The following HBS1L variants were observed in gnomAD, a reference collection of about 807,000 sequenced individuals.
HBS1L encodes HBS1 like translational GTPase, also known as HBS1-like protein.
Under a neutral mutation model 88.9 loss-of-function variants are expected in HBS1L, and 55 were observed. The ratio of observed to expected loss-of-function variants is 0.62; its 90% CI spans 0.50 to 0.77. HBS1L has a LOEUF of 0.77. Among genes scored for constraint, HBS1L ranks in the 30% least tolerant of loss-of-function variants. HBS1L has a pLI of 0.00. For synonymous variants in HBS1L, 267 were observed against 288.5 expected, an observed-to-expected ratio of 0.93 and a Z score of 0.76; for missense variants, 741 against 829.3, an observed-to-expected ratio of 0.89 and a Z score of 1.31.
rs186634007 is a variant in HBS1L, at chr6:135,036,652, C to T, written c.430+2921G>A. On this transcript the variant is annotated intron_variant, in intron 4 of 17. Transcript: ENST00000367837. Reference sequence around the variant, plus strand: ...AAATGGTGTTATTGCTACAAGTGGACTTATTTCTTTGTCCTTTACATCTTG... The same window carrying T: ...AAATGGTGTTATTGCTACAAGTGGATTTATTTCTTTGTCCTTTACATCTTG... 9.3e-3 allele frequency: 14,367 copies of T among 1,551,002 alleles called. 96 individuals are homozygous for T. The highest frequency in any genetic ancestry group is 0.012 in the Non-Finnish European group (13,375 of 1,146,646).
intron 9 of HBS1L, 52 bp from the exon 10 acceptor site, chr6:134,986,862 A>AAAATTTATATTTCATTGCAG: frequency 2.3e-6 from 2 of 875,282 alleles, no homozygotes; most frequent in Non-Finnish European, 3.4e-6. Flanking sequence ...CATGATACAT[A>AAAATTTATATTTCATTGCAG]AAATTTAAAT....
intron 2 of HBS1L, among the ~76,000 whole-genome samples, chr6:135,042,978 A>T (rs1307994119): frequency 6.6e-6 from 1 of 152,222 alleles, no homozygotes; most frequent in Non-Finnish European, 1.5e-5. Flanking sequence ...AGTGTCATAT[A>T]CCTAACTTTA....
At chr6:135,037,471 G>A (rs960635231) in intron 4 of HBS1L, 18 of 1,548,710 alleles carry the variant, frequency 1.2e-5, no homozygotes, top group African/African-American at 4.1e-5. Flanking sequence ...ATTTTCCAAC[G>A]AGCTAGTTAA....
At position 135,039,590 on chromosome 6, in the gene HBS1L, G is replaced by A. The variant is rs1317447241; in HGVS notation, c.413C>T (p.Thr138Ile). ...AGGCATACCTTTTGCTATCTTTCCTGTAGATACTGTTGCCTCATTCTTGTC... is the reference window on the plus strand; with the variant it reads ...AGGCATACCTTTTGCTATCTTTCCTATAGATACTGTTGCCTCATTCTTGTC... ...LKDKNEATVSTGKIAKGKPVD... is the reference protein window; with the variant it reads ...LKDKNEATVSIGKIAKGKPVD... The change falls in exon 4 of 18, where the codon ACA becomes ATA. Residue 138 changes from threonine (T) to isoleucine (I), a missense_variant. By Grantham distance (89) the Thr-to-Ile change is moderately conservative. Around this residue, in one of 3 missense-constraint regions of HBS1L, gnomAD observed 556 missense variants for 598.4 expected, o/e 0.93. Coordinates refer to ENST00000367837, the MANE Select transcript of HBS1L (RefSeq NM_006620.4). The A allele has an allele frequency of 6.2e-7, 1 of 1,613,936 alleles. No individual in the cohort carries two copies.
rs755560018 is a variant in HBS1L, at chr6:134,987,801, A to G, written c.1084-10T>C. 6.4e-7 allele frequency: 1 copy of G among 1,564,774 alleles called. No individual in the cohort carries two copies. Among genetic ancestry groups the G allele is most frequent in the South Asian group, 1.2e-5 (1 of 82,994 alleles). ...AAACAGCTACATCCGCCTAAAGAAG[A>G]AAAATAATCGAAGCCAGAAATAATG... On this transcript the variant is annotated splice_polypyrimidine_tract_variant and intron_variant, in intron 8 of 17. Transcript: ENST00000367837.
In HBS1L at chr6:135,039,664, C is replaced by A; in HGVS notation, c.339G>T (p.Gln113His). 1.9e-6 allele frequency: 3 copies of A among 1,614,146 alleles called. No homozygotes were observed. Among genetic ancestry groups the A allele is most frequent in the Non-Finnish European group, 1.7e-6 (2 of 1,180,002 alleles). The stretch of plus-strand genomic sequence containing the variant: ...GTTCCAGAACCCCTGACAAAGCCTT[C>A]TGCACATCAAACTTGTTCTTCAGAA... The part of the protein sequence containing the change: ...EAVLKNKFDV[Q>H]KALSGVLEQD... The change falls in exon 4 of 18, where the codon CAG becomes CAT. Residue 113 changes from glutamine (Q) to histidine (H), a missense_variant. By Grantham distance (24) the Gln-to-His change is conservative (BLOSUM62 0). This residue lies in a region of HBS1L where 556 missense variants were observed against 598.4 expected (regional missense o/e 0.93). Transcript: ENST00000367837.
intron 4 of HBS1L, among the ~76,000 whole-genome samples, chr6:135,012,576 T>C (rs1290942840): frequency 2.0e-5 from 3 of 152,162 alleles, no homozygotes; most frequent in Non-Finnish European, 2.9e-5. Flanking sequence ...TAATAAAATA[T>C]ACTCTGTAGC....
At chr6:135,052,700 CAT>C (rs949191793) in intron 1 of HBS1L, among the ~76,000 whole-genome samples, 2 of 152,122 alleles carry the variant, frequency 1.3e-5, no homozygotes, top group African/African-American at 4.8e-5. Context: ...CTGCAATCTT[CAT>C]AGTTTGTTTC....
chr6:134,965,232 G>T lies in HBS1L; in HGVS notation c.*47C>A. On this transcript the variant is annotated 3_prime_UTR_variant, in exon 18 of 18. Coordinates refer to ENST00000367837, the MANE Select transcript of HBS1L (RefSeq NM_006620.4). ...TAATAACTGCATTCTTGAAACAGAG[G>T]TTAGCTATTTCACTGTATCCAGAAA... 1 of 1,465,530 alleles carries T rather than the reference G, an allele frequency of 6.8e-7. No individual in the cohort carries two copies. The highest frequency in any genetic ancestry group is 1.2e-5 in the South Asian group (1 of 86,942). 90.8% of individuals were successfully genotyped at this position (1,465,530 alleles called of 1,614,324 possible).
chr6:135,036,675 T>C (rs192526974), intron 4 of HBS1L: 15,757 of 1,551,284 alleles, frequency 0.01, 100 homozygotes, highest in Non-Finnish European at 0.012. Context: ...CCTTTACATC[T>C]TGAACTTGTC....
intron 4 of HBS1L, among the ~76,000 whole-genome samples, chr6:135,034,472 C>T (rs1331093449): frequency 6.6e-6 from 1 of 152,014 alleles, no homozygotes; most frequent in East Asian, 1.9e-4. Flanking sequence ...GGTGAAACCC[C>T]GTCTGTACTA....
chr6:134,991,666 T>C (rs1775143272), intron 8 of HBS1L, among the ~76,000 whole-genome samples: 1 of 152,252 alleles, frequency 6.6e-6, no homozygotes, highest in Non-Finnish European at 1.5e-5. Context: ...GAATTAATAT[T>C]CTAAAATTAC....
intron 4 of HBS1L, among the ~76,000 whole-genome samples, chr6:135,038,259 G>A (rs1367039179): frequency 6.6e-6 from 1 of 152,038 alleles, no homozygotes; most frequent in Non-Finnish European, 1.5e-5. Context: ...TCTGTTCACT[G>A]ATACATACAA....
intron 4 of HBS1L, among the ~76,000 whole-genome samples, chr6:135,018,254 T>C (rs939017673): frequency 6.6e-6 from 1 of 152,068 alleles, no homozygotes; most frequent in Admixed American, 6.5e-5. Flanking sequence ...ACCTCGGCTA[T>C]GGAGAATAAA....
At chr6:135,034,426 C>G (rs561238971) in intron 4 of HBS1L, among the ~76,000 whole-genome samples, 1 of 152,096 alleles carries the variant, frequency 6.6e-6, no homozygotes, top group Non-Finnish European at 1.5e-5. Flanking sequence ...GGCGGATCAT[C>G]TGAGGTCAGG....
chr6:135,045,104 G>A (rs1169782941), intron 2 of HBS1L, among the ~76,000 whole-genome samples: 2 of 151,634 alleles, frequency 1.3e-5, no homozygotes, highest in African/African-American at 2.4e-5. Context: ...AGAAGTATTG[G>A]GTCGCTGCAA....
At chr6:135,051,247 G>A (rs972303935) in intron 1 of HBS1L, among the ~76,000 whole-genome samples, 14 of 150,542 alleles carry the variant, frequency 9.3e-5, no homozygotes, top group African/African-American at 3.4e-4. Context: ...AAGAAAAAAA[G>A]AAAAAAAAAT....
chr6:134,967,522 C>T (rs775173865), intron 16 of HBS1L, among the ~76,000 whole-genome samples: 3 of 152,124 alleles, frequency 2.0e-5, no homozygotes, highest in Admixed American at 6.5e-5. Context: ...AAAGGCCAAA[C>T]GGTTGTGCAA....
At chr6:135,014,054 T>C (rs549244463) in intron 4 of HBS1L, among the ~76,000 whole-genome samples, 78 of 152,160 alleles carry the variant, frequency 5.1e-4, no homozygotes, top group African/African-American at 1.8e-3. Context: ...AAGGGACAAG[T>C]GTACAAGGTA....
Sources: gnomAD v4.1 joint callset for allele counts (sites outside exome capture counted in the v4.1 genomes callset) on GRCh38, gnomAD v4.1.1 for gene constraint, gnomAD v4.1.1 regional missense constraint, MANE v1.5 for transcripts, NCBI Gene and HGNC (gene_info 2026-07-23, HGNC 2026-07-21) for gene names.